Variants in BTBD9 observed in about 807,000 individuals in gnomAD.
BTBD9 encodes the protein BTB/POZ domain-containing protein 9.
Under a neutral mutation model 64.3 loss-of-function variants are expected in BTBD9, and 49 were observed. The observed-to-expected ratio is 0.76, with a 90% CI of 0.61 to 0.97. The LOEUF (loss-of-function observed/expected upper bound fraction) is 0.97, where lower values mean the gene tolerates loss of function less well. BTBD9 is among the 50% of genes least tolerant of loss of function. The pLI is 0.00. For synonymous variants in BTBD9, 260 were observed against 274.7 expected, an observed-to-expected ratio of 0.95 and a Z score of 0.53; for missense variants, 598 against 762.1, an observed-to-expected ratio of 0.78 and a Z score of 2.53.
At chr6:38,218,320 C>T (rs957992402) in intron 9 of BTBD9, among the ~76,000 whole-genome samples, 4 of 152,184 alleles carry the variant, frequency 2.6e-5, no homozygotes, top group African/African-American at 9.7e-5. Flanking sequence ...TTGCGGACAA[C>T]TTTGGCCCTA....
intron 6 of BTBD9, among the ~76,000 whole-genome samples, chr6:38,356,660 T>C (rs1215878031): frequency 6.6e-6 from 1 of 152,226 alleles, no homozygotes; most frequent in African/African-American, 2.4e-5. Flanking sequence ...TTTCCTCACA[T>C]GTCTGGTTGT....
chr6:38,628,503 G>T (rs1778247340), intron 1 of BTBD9, among the ~76,000 whole-genome samples: 1 of 152,202 alleles, frequency 6.6e-6, no homozygotes, highest in African/African-American at 2.4e-5. Flanking sequence ...AATAAAGGGA[G>T]TCAGGTTCTT....
At chr6:38,362,997 G>A (rs1177549197) in intron 6 of BTBD9, among the ~76,000 whole-genome samples, 1 of 152,150 alleles carries the variant, frequency 6.6e-6, no homozygotes, top group Non-Finnish European at 1.5e-5. Context: ...AAAAAAAGAA[G>A]CTGAAAATAA....
intron 6 of BTBD9, among the ~76,000 whole-genome samples, chr6:38,398,893 T>C (rs1020464803): frequency 3.9e-5 from 6 of 152,244 alleles, no homozygotes; most frequent in Non-Finnish European, 7.3e-5. Context: ...TCAGAGCCTT[T>C]TGCCATCACA....
intron 1 of BTBD9, among the ~76,000 whole-genome samples, chr6:38,632,767 T>C (rs1013693404): frequency 1.3e-5 from 2 of 151,422 alleles, no homozygotes; most frequent in African/African-American, 4.9e-5. Context: ...CCTGTCTACA[T>C]AGAAACAAAA....
At chr6:38,517,801 T>C (rs1055253138) in intron 6 of BTBD9, among the ~76,000 whole-genome samples, 1 of 152,160 alleles carries the variant, frequency 6.6e-6, no homozygotes, top group African/African-American at 2.4e-5. Flanking sequence ...GCTGGCTCTA[T>C]AACACATCGA....
chr6:38,327,066 T>A (rs749043860), intron 7 of BTBD9, among the ~76,000 whole-genome samples: 1 of 152,178 alleles, frequency 6.6e-6, no homozygotes, highest in Non-Finnish European at 1.5e-5. Context: ...AGGGGCAGAA[T>A]TGAAGTAATC....
At chr6:38,466,797 C>T (rs940460483) in intron 6 of BTBD9, among the ~76,000 whole-genome samples, 1 of 152,080 alleles carries the variant, frequency 6.6e-6, no homozygotes, top group Non-Finnish European at 1.5e-5. Flanking sequence ...AGGCTGGTAT[C>T]GAAGTCCTGA....
chr6:38,534,938 C>A (rs1773957148), intron 6 of BTBD9, among the ~76,000 whole-genome samples: 1 of 152,074 alleles, frequency 6.6e-6, no homozygotes, highest in African/African-American at 2.4e-5. Context: ...AAACTGAAAT[C>A]ATTTCTTCTA....
At chr6:38,428,332 C>T (rs968989415) in intron 6 of BTBD9, among the ~76,000 whole-genome samples, 1 of 134,574 alleles carries the variant, frequency 7.4e-6, no homozygotes, top group Non-Finnish European at 1.6e-5. Context: ...ATCTTTAGGC[C>T]CCCAAAAACC....
chr6:38,209,612 G>T (rs547637630), intron 9 of BTBD9, among the ~76,000 whole-genome samples: 53 of 152,248 alleles, frequency 3.5e-4, no homozygotes, highest in African/African-American at 1.3e-3. Context: ...AAAACCTCTG[G>T]GGGGGTGGGC....
At chr6:38,467,436 C>T (rs1035475462) in intron 6 of BTBD9, among the ~76,000 whole-genome samples, 1 of 152,106 alleles carries the variant, frequency 6.6e-6, no homozygotes, top group Non-Finnish European at 1.5e-5. Flanking sequence ...AAATTACCTC[C>T]CCCCATATTA....
At chr6:38,248,796 T>C (rs941541578) in intron 9 of BTBD9, among the ~76,000 whole-genome samples, 50 of 152,298 alleles carry the variant, frequency 3.3e-4, no homozygotes, top group African/African-American at 1.1e-3. Context: ...TTCAAAAAGG[T>C]TGCAAATTGG....
intron 6 of BTBD9, among the ~76,000 whole-genome samples, chr6:38,433,541 C>T (rs1186433871): frequency 1.3e-5 from 2 of 151,824 alleles, no homozygotes; most frequent in African/African-American, 4.9e-5. Flanking sequence ...ACCCCCGCCC[C>T]TGCCTGCAAG....
chr6:38,338,493 A>G (rs559262357), intron 7 of BTBD9, among the ~76,000 whole-genome samples: 1 of 152,302 alleles, frequency 6.6e-6, no homozygotes, highest in African/African-American at 2.4e-5. Context: ...ACACAAAAGT[A>G]ACACTTTAAC....
chr6:38,291,690 T>C (rs530622722), intron 7 of BTBD9, among the ~76,000 whole-genome samples: 2 of 152,034 alleles, frequency 1.3e-5, no homozygotes, highest in Non-Finnish European at 2.9e-5. Flanking sequence ...TTACTGAGAG[T>C]TTTTAGCATG....
chr6:38,370,352 A>G (rs1440706730), intron 6 of BTBD9, among the ~76,000 whole-genome samples: 6 of 152,260 alleles, frequency 3.9e-5, no homozygotes, highest in Non-Finnish European at 1.5e-5. Flanking sequence ...CAAAAAACAT[A>G]AAACAGAATT....
In BTBD9 at chr6:38,534,283, TC is replaced by T. The variant is rs1773919817; in HGVS notation, c.1154+43316del. Reference sequence around the variant, plus strand: ...GGAAAACCTAGAAGAAATGCATCATTCCCTAGACACATAAAACCTACCAAGA... The same window carrying T: ...GGAAAACCTAGAAGAAATGCATCATTCCTAGACACATAAAACCTACCAAGA... On this transcript the variant is annotated intron_variant, in intron 6 of 10. Coordinates refer to ENST00000481247, the MANE Select transcript of BTBD9 (RefSeq NM_001099272.2). Among the ~76,000 whole-genome samples, 7 of 151,984 alleles carry T rather than the reference TC, an allele frequency of 4.6e-5. No individual in the cohort carries two copies. The South Asian group carries it at 1.5e-3, about 32-fold the overall frequency.
intron 7 of BTBD9, among the ~76,000 whole-genome samples, chr6:38,291,327 T>G (rs943486805): frequency 2.6e-5 from 4 of 152,226 alleles, no homozygotes; most frequent in African/African-American, 9.6e-5. Flanking sequence ...ATGCTTGTGA[T>G]TTTTGCACAT....
Sources: allele counts gnomAD v4.1 joint callset (sites outside exome capture counted in the v4.1 genomes callset), GRCh38; gene constraint gnomAD v4.1.1; transcripts MANE v1.5; gene names NCBI Gene and HGNC (gene_info 2026-07-23, HGNC 2026-07-21).